The following C11orf24 variants were observed in gnomAD, a reference collection of about 807,000 sequenced individuals.
The protein encoded by C11orf24 is chromosome 11 open reading frame 24.
A neutral mutation model predicts 7.3 loss-of-function variants in C11orf24; 5 were observed. The observed-to-expected ratio is 0.69, with a 90% CI of 0.36 to 1.45. The LOEUF (loss-of-function observed/expected upper bound fraction) is 1.45. Among genes scored for constraint, C11orf24 ranks in the 40% most tolerant of loss-of-function variants. C11orf24 has a pLI of 0.03. For synonymous variants in C11orf24, 233 were observed against 235.7 expected, an observed-to-expected ratio of 0.99 and a Z score of 0.11; for missense variants, 566 against 590.5, an observed-to-expected ratio of 0.96 and a Z score of 0.43.
In C11orf24 at chr11:68,265,263, C is replaced by T. The variant is rs543350805; in HGVS notation, c.-99-1397G>A. On this transcript the variant is annotated intron_variant, in intron 2 of 3. Coordinates refer to ENST00000304271, the MANE Select transcript of C11orf24 (RefSeq NM_022338.4). ...CACAGTAGGGGGATGCGAGTCCCTC[C>T]GGGGCCTTAGACAAGAACAGAAAGG... Among the ~76,000 whole-genome samples, 1,113 of 152,212 alleles carry T rather than the reference C, an allele frequency of 7.3e-3. 15 individuals are homozygous for T. Among genetic ancestry groups the T allele is most frequent in the Non-Finnish European group, 6.3e-3 (429 of 68,004 alleles).
At chr11:68,269,295 A>T (rs531056689) in intron 1 of C11orf24, among the ~76,000 whole-genome samples, 1 of 152,376 alleles carries the variant, frequency 6.6e-6, no homozygotes, top group South Asian at 2.1e-4. Context: ...CGATCTATAT[A>T]TCAGGAGAGA....
chr11:68,261,683 A>G lies in C11orf24; in HGVS notation c.1312T>C (p.Tyr438His). Residue 438 changes from tyrosine to histidine, a missense_variant, in exon 4 of 4, where the codon TAC (tyrosine) becomes CAC (histidine). Tyr to His is a moderately conservative substitution (Grantham distance 83, BLOSUM62 2). Transcript: ENST00000304271. The part of the protein sequence containing the change: ...YKKKDYTQVD[Y>H]LINGMYADSE... Reference sequence around the variant, plus strand: ...TCCGCATACATCCCGTTGATTAAGTAGTCCACCTGGGTGTAGTCCTTCTTC... The same window carrying G: ...TCCGCATACATCCCGTTGATTAAGTGGTCCACCTGGGTGTAGTCCTTCTTC... 1 of 1,612,936 alleles carries G rather than the reference A, an allele frequency of 6.2e-7. No individual in the cohort carries two copies. Among genetic ancestry groups the G allele is most frequent in the Non-Finnish European group, 8.5e-7 (1 of 1,178,972 alleles).
chr11:68,264,163 G>C (rs1053522691), intron 2 of C11orf24, among the ~76,000 whole-genome samples: 2 of 152,106 alleles, frequency 1.3e-5, no homozygotes, highest in Non-Finnish European at 2.9e-5. Context: ...GCTAAGACTT[G>C]GTTGTGTTCA....
In C11orf24 at chr11:68,261,745, A is replaced by G. The variant is rs772929065; in HGVS notation, c.1250T>C (p.Leu417Ser). The change falls in exon 4 of 4, where the codon TTG becomes TCG. Residue 417 changes from leucine (L) to serine (S), a missense_variant. Transcript: ENST00000304271. Reference protein sequence around the residue: ...LLGVTLFITVLVLFALQAYES... With the variant: ...LLGVTLFITVSVLFALQAYES... ...ATAGGCCTGCAGGGCAAACAAAACC[A>G]AGACTGTGATGAAAAGGGTCACCCC... 2 of 1,614,210 alleles carry G rather than the reference A, an allele frequency of 1.2e-6. No individual in the cohort carries two copies. The highest frequency in any genetic ancestry group is 1.7e-6 in the Non-Finnish European group (2 of 1,180,048).
At chr11:68,265,705 C>A (rs893360767) in intron 2 of C11orf24, among the ~76,000 whole-genome samples, 2 of 152,158 alleles carry the variant, frequency 1.3e-5, no homozygotes, top group Non-Finnish European at 2.9e-5. Flanking sequence ...CCAGGGTGGT[C>A]TCCAGCTCCT....
Position 68,263,560 on chromosome 11 carries a change from C to T in C11orf24, c.76+132G>A, listed in dbSNP as rs920627711. 1.0e-5 allele frequency: 8 copies of T among 780,294 alleles called. No homozygotes were observed. The African/African-American group carries it at 1.2e-4, about 12-fold the overall frequency. The allele number at this position is 780,294 out of a possible 1,614,324, so 48.3% of individuals were successfully genotyped here. ...AAGGAAGGTTGGCCTGACAACCCTT[C>T]CCTGTGCGGCACCTGGGAGGGCTGC... On this transcript the variant is annotated intron_variant, in intron 3 of 3. Transcript: ENST00000304271.
chr11:68,270,878 T>G (rs2098567573), intron 1 of C11orf24, among the ~76,000 whole-genome samples: 2 of 152,150 alleles, frequency 1.3e-5, no homozygotes, highest in South Asian at 4.1e-4. Context: ...GAACACAGAC[T>G]TATGGCTTTG....
In C11orf24 at chr11:68,262,379, T is replaced by G. The variant is rs778461966; in HGVS notation, c.616A>C (p.Thr206Pro). ...GCACGTGTGGCCAATGTGGCCAGGG[T>G]TGCTGTTCTTGGCAACGCGCTGCTC... ...PKSSALPRTA[T>P]LATLATRAQT... The change falls in exon 4 of 4, where the codon ACC becomes CCC. Residue 206 changes from threonine (T) to proline (P), a missense_variant. Transcript: ENST00000304271. The G allele has an allele frequency of 1.2e-5, 20 of 1,614,098 alleles. No individual in the cohort carries two copies. The East Asian group carries it at 4.2e-4, about 34-fold the overall frequency.
In C11orf24 at chr11:68,261,771, G is replaced by A. The variant is rs140543999; in HGVS notation, c.1224C>T (p.Leu408=). 59 of 1,614,090 alleles carry A rather than the reference G, an allele frequency of 3.7e-5. No individual in the cohort carries two copies. The highest frequency in any genetic ancestry group is 4.3e-5 in the Non-Finnish European group (51 of 1,180,054). ...AGACTGTGATGAAAAGGGTCACCCC[G>A]AGTAACAGCACCACCAGAAGGAGAG... is the stretch of plus-strand genomic sequence containing the variant. ...DKTLLLVVLL[L]GVTLFITVLV... is the part of the protein sequence containing the mutation. Residue 408 remains leucine, a synonymous_variant, in exon 4 of 4, where the codon CTC becomes CTT. Coordinates refer to ENST00000304271, the MANE Select transcript of C11orf24 (RefSeq NM_022338.4).
In C11orf24 at chr11:68,262,074, T is replaced by C. The variant is rs2153103051; in HGVS notation, c.921A>G (p.Pro307=). 4 of 1,611,522 alleles carry C rather than the reference T, an allele frequency of 2.5e-6. No individual in the cohort carries two copies. In the African/African-American group the frequency reaches 4.0e-5, roughly 16 times the overall value. ...QAREPTASPV[P]VPHTSPIPEM... ...CAGGGATTGGGCTGGTGTGAGGTAC[T>C]GGCACTGGGCTGGCAGTTGGCTCCC... is the stretch of plus-strand genomic sequence containing the variant. The change falls in exon 4 of 4, where the codon CCA becomes CCG. Residue 307 remains proline (P), a synonymous_variant. Transcript: ENST00000304271.
intron 2 of C11orf24, among the ~76,000 whole-genome samples, chr11:68,264,315 T>C (rs2098563443): frequency 6.6e-6 from 1 of 151,774 alleles, no homozygotes; most frequent in African/African-American, 2.4e-5. Context: ...TGGGAGATAC[T>C]ACTTAACCAT....
Position 68,261,414 on chromosome 11 carries a change from G to A in C11orf24, c.*231C>T. The A allele has an allele frequency of 2.0e-6, 1 of 509,498 alleles. No homozygotes were observed. The highest frequency in any genetic ancestry group is 3.5e-6 in the Non-Finnish European group (1 of 286,814). 31.6% of individuals were successfully genotyped at this position (509,498 alleles called of 1,614,324 possible). A position where few individuals can be genotyped will look rare whatever the true frequency, so the allele number is the denominator to read the frequency against. On this transcript the variant is annotated 3_prime_UTR_variant, in exon 4 of 4. Transcript: ENST00000304271. Reference sequence around the variant, plus strand: ...CGGGGTCCTGCCCGCCCCACCCTGAGGTGGAACCCCCAGCTGCTCCTGGGC... The same window carrying A: ...CGGGGTCCTGCCCGCCCCACCCTGAAGTGGAACCCCCAGCTGCTCCTGGGC...
At position 68,263,832 on chromosome 11, in the gene C11orf24, G is replaced by T. The variant is rs1433363910; in HGVS notation, c.-65C>A. ...GGCTCCCAGCCAGCCAGCTCCTCAGGCTGCTAATGGTTCCCTCCTGCTTGG... is the reference window on the plus strand; with the variant it reads ...GGCTCCCAGCCAGCCAGCTCCTCAGTCTGCTAATGGTTCCCTCCTGCTTGG... On this transcript the variant is annotated 5_prime_UTR_variant, in exon 3 of 4. Transcript: ENST00000304271. 7.2e-7 allele frequency: 1 copy of T among 1,391,600 alleles called. No individual in the cohort carries two copies. The highest frequency in any genetic ancestry group is 1.0e-6 in the Non-Finnish European group (1 of 992,120). 86.2% of individuals were successfully genotyped at this position (1,391,600 alleles called of 1,614,324 possible). A position where few individuals can be genotyped will look rare whatever the true frequency, so the allele number is the denominator to read the frequency against.
In C11orf24 at chr11:68,262,501, G is replaced by A; in HGVS notation, c.494C>T (p.Ala165Val). ...GGAAGTGGACGTGGGCGCGGGGAGT[G>A]CAAGTGTCATGGGAGTGCTGGAGGC... ...TAASSTPMTL[A>V]LPAPTSTSTG... is the part of the protein sequence containing the mutation. Residue 165 changes from alanine to valine, a missense_variant, in exon 4 of 4, where the codon GCA (alanine) becomes GTA (valine). Transcript: ENST00000304271. 6.2e-7 allele frequency: 1 copy of A among 1,614,090 alleles called. No individual in the cohort carries two copies. The highest frequency in any genetic ancestry group is 8.5e-7 in the Non-Finnish European group (1 of 1,180,018).
In C11orf24 at chr11:68,261,592, C is replaced by A. The variant is rs1005202522; in HGVS notation, c.*53G>T. ...GAAGCACTTGGTTTGGTCTCAAAGGCAAAAGGAAAGGACGAGGAAGGGGCC... is the reference window on the plus strand; with the variant it reads ...GAAGCACTTGGTTTGGTCTCAAAGGAAAAAGGAAAGGACGAGGAAGGGGCC... On this transcript the variant is annotated 3_prime_UTR_variant, in exon 4 of 4. Coordinates refer to ENST00000304271, the MANE Select transcript of C11orf24 (RefSeq NM_022338.4). 1 of 1,514,278 alleles carries A rather than the reference C, an allele frequency of 6.6e-7. No homozygotes were observed. Among genetic ancestry groups the A allele is most frequent in the Non-Finnish European group, 8.9e-7 (1 of 1,124,422 alleles). The allele number at this position is 1,514,278 out of a possible 1,614,324, so 93.8% of individuals were successfully genotyped here.
Position 68,262,491 on chromosome 11 carries a change from C to T in C11orf24, c.504G>A (p.Ala168=), listed in dbSNP as rs764409667. The change falls in exon 4 of 4, where the codon GCG becomes GCA. Residue 168 remains alanine, a synonymous_variant. Coordinates refer to ENST00000304271, the MANE Select transcript of C11orf24 (RefSeq NM_022338.4). ...SSTPMTLALP[A]PTSTSTGRTP... ...TCCGCCCTGTGGAAGTGGACGTGGG[C>T]GCGGGGAGTGCAAGTGTCATGGGAG... 14 of 1,613,800 alleles carry T rather than the reference C, an allele frequency of 8.7e-6. No homozygotes were observed. In the East Asian group the frequency reaches 1.1e-4, roughly 13 times the overall value.
Position 68,268,040 on chromosome 11 carries a change from G to T in C11orf24, c.-100+14C>A. The T allele has an allele frequency of 6.6e-6, 1 of 152,562 alleles. No individual in the cohort carries two copies. Among genetic ancestry groups the T allele is most frequent in the Non-Finnish European group, 1.5e-5 (1 of 68,214 alleles). 9.5% of individuals were successfully genotyped at this position (152,562 alleles called of 1,614,324 possible). ...CCAACAAGCAGGCCCAGCCTGCAGG[G>T]CCAGGACACTTACCAGAGGCTGCTG... On this transcript the variant is annotated intron_variant, in intron 2 of 3. Transcript: ENST00000304271.
At chr11:68,264,453 CTTACCCAT>C (rs2098563552) in intron 2 of C11orf24, among the ~76,000 whole-genome samples, 1 of 134,986 alleles carries the variant, frequency 7.4e-6, no homozygotes. Context: ...CACTTACCCA[CTTACCCAT>C]CTATCCATCC....
chr11:68,264,432 A>G (rs2098563539), intron 2 of C11orf24, among the ~76,000 whole-genome samples: 1 of 148,668 alleles, frequency 6.7e-6, no homozygotes, highest in African/African-American at 2.5e-5. Flanking sequence ...CCACTCACCC[A>G]TCCATCCATC....
Sources: allele counts gnomAD v4.1 joint callset (sites outside exome capture counted in the v4.1 genomes callset), GRCh38; gene constraint gnomAD v4.1.1; transcripts MANE v1.5; gene names NCBI Gene and HGNC (gene_info 2026-07-23, HGNC 2026-07-21).